FSHR: variants seen among roughly 807,000 people sequenced by gnomAD.
The protein encoded by FSHR is follicle stimulating hormone receptor.
Under a neutral mutation model 52.1 loss-of-function variants are expected in FSHR, and 46 were observed. That is an observed-to-expected ratio of 0.88 (90% CI 0.70 to 1.13). The LOEUF (loss-of-function observed/expected upper bound fraction) is 1.13, where lower values mean the gene tolerates loss of function less well. FSHR is among the 50% of genes most tolerant of loss of function. The pLI, the probability that FSHR is intolerant of heterozygous loss-of-function variation, is 0.00. For missense variants in FSHR, 964 were observed against 834.6 expected, an observed-to-expected ratio of 1.16 and a Z score of -1.91; for synonymous variants, 399 against 309.6, an observed-to-expected ratio of 1.29 and a Z score of -3.03.
rs116059638 is a variant in FSHR at position 49,087,967 on chromosome 2, T to A, written c.153-19677A>T. ...CAGTGGTGGCATTTAGCACTAGCTG[T>A]ATCAGGCACTGTGCTAAATATTTCA... On this transcript the variant is annotated intron_variant, in intron 1 of 9. Transcript: ENST00000406846. Among the ~76,000 whole-genome samples the A allele has an allele frequency of 9.3e-3, 1,412 of 152,360 alleles. 22 individuals are homozygous for A. The highest frequency in any genetic ancestry group is 0.033 in the African/African-American group (1,359 of 41,570).
At chr2:49,115,514 T>C (rs1259050384) in intron 1 of FSHR, among the ~76,000 whole-genome samples, 2 of 152,068 alleles carry the variant, frequency 1.3e-5, no homozygotes, top group Non-Finnish European at 2.9e-5. Context: ...TATGGAGCTG[T>C]TTGTGAGAAG....
chr2:49,123,804 A>T (rs1390540233), intron 1 of FSHR, among the ~76,000 whole-genome samples: 1 of 152,132 alleles, frequency 6.6e-6, no homozygotes, highest in Non-Finnish European at 1.5e-5. Context: ...AACAATGCAG[A>T]ATGTTGACAA....
chr2:49,027,339 C>G (rs1268511229), intron 2 of FSHR, among the ~76,000 whole-genome samples: 1 of 152,054 alleles, frequency 6.6e-6, no homozygotes, highest in Non-Finnish European at 1.5e-5. Context: ...TAAAGTGTAC[C>G]AATTATTTAC....
chr2:49,115,353 C>T (rs191144233), intron 1 of FSHR, among the ~76,000 whole-genome samples: 6 of 152,184 alleles, frequency 3.9e-5, no homozygotes, highest in African/African-American at 9.6e-5. Flanking sequence ...TCATTCAACA[C>T]ATGTTTATTG....
chr2:49,020,053 G>T (rs140715301), intron 3 of FSHR, 33 bp downstream of exon 3: 4 of 1,575,372 alleles, frequency 2.5e-6, no homozygotes, highest in Non-Finnish European at 3.5e-6. Context: ...TTCAAGAATG[G>T]CCATGAGCAA....
At chr2:49,051,386 G>A (rs1034521386) in intron 2 of FSHR, among the ~76,000 whole-genome samples, 2 of 152,038 alleles carry the variant, frequency 1.3e-5, no homozygotes, top group African/African-American at 4.8e-5. Context: ...ATTTTAATGG[G>A]TATGTAATAG....
rs912289904 is a variant in FSHR, at chr2:49,076,190, C to T, written c.153-7900G>A. Among the ~76,000 whole-genome samples the T allele has an allele frequency of 2.0e-5, 3 of 152,110 alleles. No homozygotes were observed. The South Asian group carries it at 6.2e-4, about 32-fold the overall frequency. On this transcript the variant is annotated intron_variant, in intron 1 of 9. Transcript: ENST00000406846. ...CTATACCACAGACTAGTGTATTAGT[C>T]CATTTTCACACTGCTGATAAAGACA... is the stretch of plus-strand genomic sequence containing the variant.
chr2:49,127,814 CTTCTTCTTCT>C (rs1558456477), intron 1 of FSHR, among the ~76,000 whole-genome samples: 9 of 49,398 alleles, frequency 1.8e-4, no homozygotes, highest in Admixed American at 6.4e-4. Context: ...TCTTCTTCTT[CTTCTTCTTCT>C]TCTTCCTCTT....
chr2:49,015,682 T>C (rs1349296993), intron 4 of FSHR, among the ~76,000 whole-genome samples: 2 of 152,144 alleles, frequency 1.3e-5, no homozygotes, highest in Non-Finnish European at 2.9e-5. Flanking sequence ...TAGCAAAGAT[T>C]CCATCCCTAA....
At chr2:49,045,371 G>GATTT (rs1668620817) in intron 2 of FSHR, among the ~76,000 whole-genome samples, 1 of 152,204 alleles carries the variant, frequency 6.6e-6, no homozygotes, top group African/African-American at 2.4e-5. Context: ...GATCCTCAGT[G>GATTT]ATTTGTATGC....
At chr2:49,127,776 T>C (rs1215406631) in intron 1 of FSHR, among the ~76,000 whole-genome samples, 1 of 44,686 alleles carries the variant, frequency 2.2e-5, no homozygotes, top group Non-Finnish European at 4.1e-5. Context: ...CTTCTTCTTC[T>C]TCTTCTTCTT....
chr2:49,010,575 A>G lies in FSHR; in HGVS notation c.374+6914T>C, dbSNP rs1374794790. Among the ~76,000 whole-genome samples the G allele has an allele frequency of 7.9e-5, 12 of 151,304 alleles. No individual in the cohort carries two copies. The South Asian group carries it at 2.5e-3, about 32-fold the overall frequency. ...GTTAGGGAGGATTCCTTCTTTTTCT[A>G]TTGATTGGAATAGTTTCAGAAGGAA... On this transcript the variant is annotated intron_variant, in intron 4 of 9. Coordinates refer to ENST00000406846, the MANE Select transcript of FSHR (RefSeq NM_000145.4).
At chr2:49,138,043 T>C (rs556941328) in intron 1 of FSHR, among the ~76,000 whole-genome samples, 1 of 152,298 alleles carries the variant, frequency 6.6e-6, no homozygotes, top group South Asian at 2.1e-4. Flanking sequence ...TTGTAAATTA[T>C]ACATGTGATA....
chr2:49,077,252 T>C (rs1408753977), intron 1 of FSHR, among the ~76,000 whole-genome samples: 1 of 152,238 alleles, frequency 6.6e-6, no homozygotes, highest in African/African-American at 2.4e-5. Context: ...TCTTGACTTT[T>C]GTGTATCTTG....
intron 4 of FSHR, among the ~76,000 whole-genome samples, chr2:48,994,139 G>A (rs2349412): frequency 0.74 from 112,340 of 152,074 alleles, 41,856 homozygotes; most frequent in Admixed American, 0.81. Flanking sequence ...GCCAGGTAAT[G>A]TGCTATGTTT....
chr2:49,076,608 C>T (rs1669958888), intron 1 of FSHR, among the ~76,000 whole-genome samples: 1 of 152,086 alleles, frequency 6.6e-6, no homozygotes, highest in Non-Finnish European at 1.5e-5. Context: ...TACAGTCTAC[C>T]AAAAGTCTTA....
chr2:49,055,098 T>A (rs1669008296), intron 2 of FSHR, among the ~76,000 whole-genome samples: 1 of 151,362 alleles, frequency 6.6e-6, no homozygotes, highest in Non-Finnish European at 1.5e-5. Context: ...GGAAACTCAG[T>A]GAGATACAAG....
At chr2:48,994,739 G>A (rs1365946858) in intron 4 of FSHR, among the ~76,000 whole-genome samples, 1 of 152,106 alleles carries the variant, frequency 6.6e-6, no homozygotes, top group African/African-American at 2.4e-5. Flanking sequence ...CTCAACCATG[G>A]TTTATCTTCA....
At chr2:49,052,692 C>T (rs1375557653) in intron 2 of FSHR, among the ~76,000 whole-genome samples, 1 of 152,164 alleles carries the variant, frequency 6.6e-6, no homozygotes, top group Non-Finnish European at 1.5e-5. Context: ...TTTCATTTTT[C>T]ACCAGGAGCC....
Sources: gnomAD v4.1 joint callset for allele counts (sites outside exome capture counted in the v4.1 genomes callset) on GRCh38, gnomAD v4.1.1 for gene constraint, MANE v1.5 for transcripts, NCBI Gene and HGNC (gene_info 2026-07-23, HGNC 2026-07-21) for gene names.